The following PTPRM variants were observed in gnomAD, a reference collection of about 807,000 sequenced individuals.
PTPRM encodes protein tyrosine phosphatase receptor type M.
Under a neutral mutation model 186.7 loss-of-function variants are expected in PTPRM, and 47 were observed. The ratio of observed to expected loss-of-function variants is 0.25; its 90% CI spans 0.20 to 0.32. The LOEUF is 0.32. Ranked by LOEUF, PTPRM falls within the 10% of genes least tolerant of loss-of-function variation. PTPRM has a pLI of 1.00. For synonymous variants in PTPRM, 668 were observed against 674.9 expected (o/e 0.99, Z 0.16); for missense variants, 1,494 against 1,865.0 (o/e 0.80, Z 3.66).
chr18:7,662,287 A>G (rs542335825), intron 1 of PTPRM, among the ~76,000 whole-genome samples: 140 of 152,328 alleles, frequency 9.2e-4, no homozygotes, highest in African/African-American at 3.3e-3. Flanking sequence ...ACTATTCACA[A>G]TAGCCAAGAT....
chr18:8,088,734 C>T lies in PTPRM; in HGVS notation c.1754-15C>T, dbSNP rs146547139. ...CAGAAATAATGAGTCTCCCATTCTA[C>T]GCCTTTTTCCCCAGCACCCTCTATG... On this transcript the variant is annotated splice_polypyrimidine_tract_variant and intron_variant, in intron 10 of 32. Transcript: ENST00000580170. 4.2e-4 allele frequency: 654 copies of T among 1,570,230 alleles called. 6 individuals are homozygous for T. Among genetic ancestry groups the T allele is most frequent in the South Asian group, 3.5e-3 (311 of 90,120 alleles).
At chr18:8,173,884 C>T (rs1037459153) in intron 14 of PTPRM, among the ~76,000 whole-genome samples, 1 of 152,184 alleles carries the variant, frequency 6.6e-6, no homozygotes, top group Non-Finnish European at 1.5e-5. Flanking sequence ...GCCTGGCCAA[C>T]ATGGCAAAAC....
chr18:8,019,372 C>T, intron 7 of PTPRM, among the ~76,000 whole-genome samples: 1 of 152,188 alleles, frequency 6.6e-6, no homozygotes, highest in African/African-American at 2.4e-5. Flanking sequence ...CTAAATTTCT[C>T]TTTTTGTTTT....
At chr18:8,023,734 T>C (rs1467385929) in intron 7 of PTPRM, among the ~76,000 whole-genome samples, 1 of 152,058 alleles carries the variant, frequency 6.6e-6, no homozygotes, top group Non-Finnish European at 1.5e-5. Flanking sequence ...AAAAACCTTA[T>C]AGAAGCCAAC....
intron 14 of PTPRM, among the ~76,000 whole-genome samples, chr18:8,211,853 G>A (rs987796750): frequency 6.6e-6 from 1 of 152,152 alleles, no homozygotes; most frequent in Non-Finnish European, 1.5e-5. Context: ...ACTGGGAAGG[G>A]CAGCACAACT....
At chr18:7,818,500 T>G (rs770424570) in intron 2 of PTPRM, among the ~76,000 whole-genome samples, 43 of 152,228 alleles carry the variant, frequency 2.8e-4, no homozygotes, top group Non-Finnish European at 5.1e-4. Flanking sequence ...GACTCTGAGG[T>G]TGTATTCATC....
At chr18:8,138,181 G>A (rs2092681143) in intron 13 of PTPRM, among the ~76,000 whole-genome samples, 1 of 150,306 alleles carries the variant, frequency 6.7e-6, no homozygotes, top group East Asian at 2.0e-4. Context: ...CCCAATGTAA[G>A]TCTGAGTGGG....
At chr18:7,650,506 C>T (rs2038674438) in intron 1 of PTPRM, among the ~76,000 whole-genome samples, 1 of 131,272 alleles carries the variant, frequency 7.6e-6, no homozygotes. Flanking sequence ...AATAATAAAA[C>T]TCTGATATCT....
At chr18:8,240,499 G>GAGGA (rs1300777583) in intron 14 of PTPRM, among the ~76,000 whole-genome samples, 609 of 13,442 alleles carry the variant, frequency 0.045, 71 homozygotes, top group Middle Eastern at 0.17. Context: ...GAGAGAGAGA[G>GAGGA]AGGAAGGAAG....
chr18:8,182,334 C>T (rs2093587149), intron 14 of PTPRM, among the ~76,000 whole-genome samples: 1 of 152,046 alleles, frequency 6.6e-6, no homozygotes, highest in Admixed American at 6.6e-5. Flanking sequence ...ACATAGTATC[C>T]AATAGGTAGT....
At chr18:8,001,716 T>C (rs2083885774) in intron 7 of PTPRM, among the ~76,000 whole-genome samples, 1 of 152,174 alleles carries the variant, frequency 6.6e-6, no homozygotes, top group African/African-American at 2.4e-5. Flanking sequence ...TCTTCCTTAA[T>C]AAAAAGCCAG....
intron 1 of PTPRM, among the ~76,000 whole-genome samples, chr18:7,652,599 T>A (rs2038740022): frequency 6.6e-6 from 1 of 151,834 alleles, no homozygotes; most frequent in Admixed American, 6.6e-5. Context: ...TCATGTCCTT[T>A]GTAGGGACAT....
intron 7 of PTPRM, among the ~76,000 whole-genome samples, chr18:7,973,397 T>C (rs1001628751): frequency 2.6e-5 from 4 of 152,206 alleles, no homozygotes; most frequent in Non-Finnish European, 5.9e-5. Flanking sequence ...GAGCATTGAA[T>C]ATTAATGATC....
At chr18:8,289,587 T>TACGTG (rs2095016089) in intron 19 of PTPRM, among the ~76,000 whole-genome samples, 2 of 95,732 alleles carry the variant, frequency 2.1e-5, no homozygotes, top group Non-Finnish European at 4.2e-5. Context: ...CATATATATA[T>TACGTG]ACACATATAT....
At chr18:7,740,185 T>G (rs1473698931) in intron 1 of PTPRM, among the ~76,000 whole-genome samples, 2 of 152,156 alleles carry the variant, frequency 1.3e-5, no homozygotes, top group Non-Finnish European at 2.9e-5. Context: ...AACCCCACCC[T>G]ACCCCTCAGC....
At chr18:7,771,379 C>T (rs549210497) in intron 1 of PTPRM, among the ~76,000 whole-genome samples, 6 of 152,226 alleles carry the variant, frequency 3.9e-5, no homozygotes, top group Admixed American at 1.3e-4. Flanking sequence ...GGTTTGCAAC[C>T]GAGAGACAAT....
chr18:8,073,645 A>T (rs1166170964), intron 8 of PTPRM, among the ~76,000 whole-genome samples: 2 of 152,200 alleles, frequency 1.3e-5, no homozygotes, highest in African/African-American at 2.4e-5. Context: ...ACTCATGCCT[A>T]TAATCCCAGT....
intron 4 of PTPRM, among the ~76,000 whole-genome samples, chr18:7,907,434 G>T (rs1339962982): frequency 1.3e-5 from 2 of 152,212 alleles, no homozygotes; most frequent in African/African-American, 4.8e-5. Context: ...GGCTACGCAA[G>T]CAGCCACAGC....
intron 22 of PTPRM, among the ~76,000 whole-genome samples, chr18:8,338,726 A>G (rs1303989437): frequency 1.3e-5 from 2 of 152,202 alleles, no homozygotes; most frequent in Non-Finnish European, 2.9e-5. Flanking sequence ...GACCTGGGAA[A>G]CAGTAAGTGT....
Sources: gnomAD v4.1 joint callset for allele counts (sites outside exome capture counted in the v4.1 genomes callset) on GRCh38, gnomAD v4.1.1 for gene constraint, MANE v1.5 for transcripts, NCBI Gene and HGNC (gene_info 2026-07-23, HGNC 2026-07-21) for gene names.